ELAVL1: variants seen among roughly 807,000 people sequenced by gnomAD.
ELAVL1 encodes the protein ELAV like RNA binding protein 1, also known as ELAV-like protein 1.
A neutral mutation model predicts 28.4 loss-of-function variants in ELAVL1; 1 was observed. The ratio of observed to expected loss-of-function variants is 0.04; its 90% CI spans 0.01 to 0.17. The LOEUF (loss-of-function observed/expected upper bound fraction) is 0.17, where lower values mean the gene tolerates loss of function less well. ELAVL1 is among the 10% of genes least tolerant of loss of function. The pLI, the probability that ELAVL1 is intolerant of heterozygous loss-of-function variation, is 1.00. For missense variants in ELAVL1, 157 were observed against 447.2 expected (o/e 0.35, Z 5.85); for synonymous variants, 174 against 183.5 (o/e 0.95, Z 0.42).
At chr19:7,974,159 C>T (rs1274771183) in intron 3 of ELAVL1, among the ~76,000 whole-genome samples, 1 of 152,208 alleles carries the variant, frequency 6.6e-6, no homozygotes, top group East Asian at 1.9e-4. Context: ...AACTGAGGGC[C>T]CGCAGCTTGT....
intron 1 of ELAVL1, among the ~76,000 whole-genome samples, chr19:7,992,457 G>C (rs1177635381): frequency 6.6e-6 from 1 of 152,152 alleles, no homozygotes; most frequent in African/African-American, 2.4e-5. Flanking sequence ...TATTAAGCTA[G>C]GAAAGACATT....
At chr19:7,999,722 G>A (rs1007972507) in intron 1 of ELAVL1, among the ~76,000 whole-genome samples, 1 of 152,034 alleles carries the variant, frequency 6.6e-6, no homozygotes, top group Non-Finnish European at 1.5e-5. Context: ...ACCTAGGACT[G>A]CAGGTGCGTG....
chr19:7,964,574 C>T (rs560470740), intron 5 of ELAVL1, among the ~76,000 whole-genome samples: 1 of 152,192 alleles, frequency 6.6e-6, no homozygotes, highest in East Asian at 1.9e-4. Context: ...GTGGCTCAAG[C>T]ACGGAATCCC....
intron 5 of ELAVL1, among the ~76,000 whole-genome samples, chr19:7,967,072 G>A (rs759110866): frequency 8.7e-5 from 13 of 148,972 alleles, no homozygotes; most frequent in African/African-American, 1.7e-4. Context: ...TTCTGGCCCT[G>A]TGGCCCAGGC....
intron 5 of ELAVL1, 24 bp downstream of exon 5, chr19:7,967,541 G>A: frequency 3.1e-6 from 5 of 1,609,074 alleles, no homozygotes; most frequent in Non-Finnish European, 4.2e-6. Context: ...ATGGCTTTCA[G>A]GAGCGCGCAC....
At chr19:8,002,902 CAG>C (rs1298926911) in intron 1 of ELAVL1, among the ~76,000 whole-genome samples, 1 of 152,006 alleles carries the variant, frequency 6.6e-6, no homozygotes, top group Non-Finnish European at 1.5e-5. Context: ...TTTAAGCCAC[CAG>C]AGAGGTCAAG....
At chr19:7,969,623 C>CA (rs368706337) in intron 4 of ELAVL1, among the ~76,000 whole-genome samples, 1 of 152,208 alleles carries the variant, frequency 6.6e-6, no homozygotes, top group African/African-American at 2.4e-5. Context: ...ACAGCTTAGT[C>CA]AGTCTTGGAA....
rs1015884527 is a variant in ELAVL1 at position 7,963,326 on chromosome 19, C to T, written c.*157G>A. 64 of 780,990 alleles carry T rather than the reference C, an allele frequency of 8.2e-5. No homozygotes were observed. The African/African-American group carries it at 8.9e-4, about 11-fold the overall frequency. The allele number at this position is 780,990 out of a possible 1,614,324, so 48.4% of individuals were successfully genotyped here. A position where few individuals can be genotyped will look rare whatever the true frequency, so the allele number is the denominator to read the frequency against. The stretch of plus-strand genomic sequence containing the variant: ...TGGGATTTCAAACATTTGAACATGT[C>T]GGTTGCATCCCAGAGTATAAAAACC... On this transcript the variant is annotated 3_prime_UTR_variant, in exon 6 of 6. Transcript: ENST00000407627. The surrounding 1 kb of genome is among the most constrained non-coding windows in gnomAD (Gnocchi z 4.5).
At chr19:7,990,171 C>T (rs1368314200) in intron 2 of ELAVL1, among the ~76,000 whole-genome samples, 1 of 152,052 alleles carries the variant, frequency 6.6e-6, no homozygotes, top group Admixed American at 6.5e-5. Context: ...TATAGGCGTG[C>T]GCCACCACGC....
At chr19:7,994,654 A>G (rs1440171647) in intron 1 of ELAVL1, among the ~76,000 whole-genome samples, 4 of 152,212 alleles carry the variant, frequency 2.6e-5, no homozygotes, top group Non-Finnish European at 4.4e-5. Context: ...CCAGCGCAAG[A>G]TCACCTGCTA....
rs937976048 is a variant in ELAVL1, at chr19:7,962,577, C to T, written c.*906G>A. 3.3e-5 allele frequency: 5 copies of T among 152,606 alleles called. No homozygotes were observed. Among genetic ancestry groups the T allele is most frequent in the African/African-American group, 4.8e-5 (2 of 41,468 alleles). The allele number at this position is 152,606 out of a possible 1,614,324, so 9.5% of individuals were successfully genotyped here. A position where few individuals can be genotyped will look rare whatever the true frequency, so the allele number is the denominator to read the frequency against. The stretch of plus-strand genomic sequence containing the variant: ...GAAGGGATGCGAGAAATACAATGCT[C>T]AAATGTTTCTGTGTTATTAAAATAC... On this transcript the variant is annotated 3_prime_UTR_variant, in exon 6 of 6. Transcript: ENST00000407627.
chr19:7,974,250 C>T (rs766712228), intron 3 of ELAVL1, among the ~76,000 whole-genome samples: 62 of 152,208 alleles, frequency 4.1e-4, no homozygotes, highest in Admixed American at 6.5e-5. Flanking sequence ...CGTGCTGCAG[C>T]GGGCAAGCAA....
intron 1 of ELAVL1, among the ~76,000 whole-genome samples, chr19:7,993,187 A>G (rs1440232258): frequency 6.6e-6 from 1 of 152,248 alleles, no homozygotes; most frequent in Admixed American, 6.5e-5. Context: ...CTATGGACAC[A>G]AAACAGAACA....
At chr19:7,968,291 G>C (rs899914423) in intron 4 of ELAVL1, among the ~76,000 whole-genome samples, 1 of 152,178 alleles carries the variant, frequency 6.6e-6, no homozygotes, top group South Asian at 2.1e-4. Context: ...CCTCGTGGCC[G>C]AGCCTGCTGC....
At chr19:7,973,677 C>G (rs887391172) in intron 4 of ELAVL1, 48 bp downstream of exon 4, 1 of 1,581,444 alleles carries the variant, frequency 6.3e-7, no homozygotes, top group African/African-American at 1.4e-5. Flanking sequence ...AAAACCCAGC[C>G]CCCACCTAGA....
chr19:8,005,351 C>G (rs1206645461), intron 1 of ELAVL1, 144 bp downstream of exon 1: 2 of 148,408 alleles, frequency 1.3e-5, no homozygotes, highest in Non-Finnish European at 3.0e-5. Flanking sequence ...GCCGCGGCCC[C>G]AGCGCGCGTC....
intron 2 of ELAVL1, among the ~76,000 whole-genome samples, chr19:7,988,091 G>T (rs1023489068): frequency 6.6e-6 from 1 of 152,204 alleles, no homozygotes; most frequent in Non-Finnish European, 1.5e-5. Flanking sequence ...TGGTGGCTGA[G>T]GAGAGAGGGG....
At chr19:7,994,068 A>C (rs1289605941) in intron 1 of ELAVL1, among the ~76,000 whole-genome samples, 1 of 152,246 alleles carries the variant, frequency 6.6e-6, no homozygotes, top group Non-Finnish European at 1.5e-5. Flanking sequence ...GTTAGCATCA[A>C]AAGCCATAGA....
chr19:7,973,562 C>T, intron 4 of ELAVL1, 163 bp downstream of exon 4: 1 of 864,272 alleles, frequency 1.2e-6, no homozygotes, highest in Non-Finnish European at 1.7e-6. Flanking sequence ...ATCTTACCTC[C>T]TCAGCCTCCT....
Sources: gnomAD v4.1 joint callset for allele counts (sites outside exome capture counted in the v4.1 genomes callset) on GRCh38, gnomAD v4.1.1 for gene constraint, Gnocchi (gnomAD v3.1) non-coding constraint, MANE v1.5 for transcripts, NCBI Gene and HGNC (gene_info 2026-07-23, HGNC 2026-07-21) for gene names.